SPNS2: variants seen among roughly 807,000 people sequenced by gnomAD.
SPNS2 encodes sphingosine-1-phosphate transporter SPNS2.
In SPNS2, 37 loss-of-function variants were observed where a neutral mutation model predicts 57.6. The observed-to-expected ratio is 0.64, with a 90% CI of 0.49 to 0.85. The LOEUF (loss-of-function observed/expected upper bound fraction) is 0.85. Ranked by LOEUF, SPNS2 falls within the 40% of genes least tolerant of loss-of-function variation. The probability of loss-of-function intolerance (pLI) is 0.00; values close to 1 mark genes in which losing one functional copy is unlikely to be tolerated. For synonymous variants in SPNS2, 440 were observed against 346.9 expected, an observed-to-expected ratio of 1.27 and a Z score of -2.98; for missense variants, 831 against 779.1, an observed-to-expected ratio of 1.07 and a Z score of -0.79.
Position 4,532,695 on chromosome 17 carries a change from C to T in SPNS2, c.935+11C>T, listed in dbSNP as rs747998009. Reference sequence around the variant, plus strand: ...GGCCCTGATTCGAAAGTGAGTACCGCGGGAAGGGGTCTGGTGGGAAGAGAG... The same window carrying T: ...GGCCCTGATTCGAAAGTGAGTACCGTGGGAAGGGGTCTGGTGGGAAGAGAG... On this transcript the variant is annotated intron_variant, in intron 6 of 12. Transcript: ENST00000329078. 1.9e-5 allele frequency: 30 copies of T among 1,612,726 alleles called. No homozygotes were observed. In the East Asian group the frequency reaches 2.7e-4, roughly 14 times the overall value.
chr17:4,502,703 G>A (rs994739419), intron 1 of SPNS2, among the ~76,000 whole-genome samples: 3 of 152,182 alleles, frequency 2.0e-5, no homozygotes, highest in East Asian at 1.9e-4. Flanking sequence ...CACCTGGGAC[G>A]GGGCCAGATT....
At position 4,533,231 on chromosome 17, in the gene SPNS2, C is replaced by T. The variant is rs1269582480; in HGVS notation, c.1089-12C>T. 4 of 1,590,928 alleles carry T rather than the reference C, an allele frequency of 2.5e-6. No homozygotes were observed. In the African/African-American group the frequency reaches 5.4e-5, roughly 21 times the overall value. On this transcript the variant is annotated splice_polypyrimidine_tract_variant and intron_variant, in intron 7 of 12. Coordinates refer to ENST00000329078, the MANE Select transcript of SPNS2 (RefSeq NM_001124758.3). ...GCCTCAACTCGTGCGCCACCATCCT[C>T]TGTCCCCACAGCCTCATCTTTGGGG...
Position 4,511,601 on chromosome 17 carries a change from C to T in SPNS2, c.371-1646C>T, listed in dbSNP as rs569587225. 1.3e-5 allele frequency among the ~76,000 whole-genome samples: 2 copies of T among 152,328 alleles called. No homozygotes were observed. The highest frequency in any genetic ancestry group is 6.5e-5 in the Admixed American group (1 of 15,298). On this transcript the variant is annotated intron_variant, in intron 1 of 12. Coordinates refer to ENST00000329078, the MANE Select transcript of SPNS2 (RefSeq NM_001124758.3). The surrounding 1 kb of genome is among the most constrained non-coding windows in gnomAD (Gnocchi z 4.6). ...GCACCTCAGAGGTCCCTCTTGCTGG[C>T]TCTGCCATCCACAGGCCTAGGATTG...
rs1904853636 is a variant in SPNS2 at position 4,512,445 on chromosome 17, G to C, written c.371-802G>C. Among the ~76,000 whole-genome samples, 1 of 152,120 alleles carries C rather than the reference G, an allele frequency of 6.6e-6. No individual in the cohort carries two copies. The highest frequency in any genetic ancestry group is 2.1e-4 in the South Asian group (1 of 4,830). ...CTGTGGGTGGTTTCTGGGTGGTCCA[G>C]CTGCTGCCCCCACCCCGTGACGTGC... On this transcript the variant is annotated intron_variant, in intron 1 of 12. Coordinates refer to ENST00000329078, the MANE Select transcript of SPNS2 (RefSeq NM_001124758.3). The surrounding 1 kb of genome is among the most constrained non-coding windows in gnomAD (Gnocchi z 5.2).
Position 4,539,023 on chromosome 17 carries a change from C to A in SPNS2, c.*1575C>A, listed in dbSNP as rs150615002. 1.5e-5 allele frequency: 13 copies of A among 841,764 alleles called. No homozygotes were observed. Among genetic ancestry groups the A allele is most frequent in the Middle Eastern group, 2.2e-4 (1 of 4,558 alleles). 52.1% of individuals were successfully genotyped at this position (841,764 alleles called of 1,614,324 possible). A position where few individuals can be genotyped will look rare whatever the true frequency, so the allele number is the denominator to read the frequency against. On this transcript the variant is annotated 3_prime_UTR_variant, in exon 13 of 13. Coordinates refer to ENST00000329078, the MANE Select transcript of SPNS2 (RefSeq NM_001124758.3). ...TTCCTCTTGTAAATGAAGAAATAAA[C>A]CTATTTAAATCACCCCCTGGTGGCT...
chr17:4,536,881 C>A lies in SPNS2; in HGVS notation c.1608-19C>A, dbSNP rs1905856602. 1 of 1,612,472 alleles carries A rather than the reference C, an allele frequency of 6.2e-7. No homozygotes were observed. Among genetic ancestry groups the A allele is most frequent in the African/African-American group, 1.3e-5 (1 of 74,880 alleles). On this transcript the variant is annotated intron_variant, in intron 11 of 12. Coordinates refer to ENST00000329078, the MANE Select transcript of SPNS2 (RefSeq NM_001124758.3). ...CCCCGCTGATGCACCACCCTGACCCCCGCCCGTCTCTCCCCCAGGGTGAAC... is the reference window on the plus strand; with the variant it reads ...CCCCGCTGATGCACCACCCTGACCCACGCCCGTCTCTCCCCCAGGGTGAAC...
At chr17:4,519,558 C>T (rs992375626) in intron 2 of SPNS2, among the ~76,000 whole-genome samples, 5 of 103,012 alleles carry the variant, frequency 4.9e-5, no homozygotes, top group African/African-American at 1.8e-4. Flanking sequence ...CCCGCTCGGC[C>T]CTGGCTCCCT....
At chr17:4,530,990 G>C in intron 4 of SPNS2, 63 bp from the exon 5 acceptor site, 1 of 1,584,204 alleles carries the variant, frequency 6.3e-7, no homozygotes, top group African/African-American at 1.3e-5. Flanking sequence ...TTGCAGACCA[G>C]CGGGCACTCC....
Position 4,536,439 on chromosome 17 carries a change from G to GGT in SPNS2, c.1607+13_1607+14insGT, listed in dbSNP as rs1555538180. ...GGGCTGAGCAGCAGTGAGTGGGGGG[G>GGT]AGGGGAGGCCCTGCTGCACCGCCGG... On this transcript the variant is annotated intron_variant, in intron 11 of 12. Coordinates refer to ENST00000329078, the MANE Select transcript of SPNS2 (RefSeq NM_001124758.3). 6.3e-5 allele frequency: 100 copies of GGT among 1,582,928 alleles called. No homozygotes were observed. The highest frequency in any genetic ancestry group is 7.7e-5 in the South Asian group (7 of 90,686).
Position 4,533,121 on chromosome 17 carries a change from C to T in SPNS2, c.1080C>T (p.Ala360=), listed in dbSNP as rs747865152. The T allele has an allele frequency of 1.2e-6, 2 of 1,610,006 alleles. No individual in the cohort carries two copies. The highest frequency in any genetic ancestry group is 1.7e-6 in the Non-Finnish European group (2 of 1,178,162). Reference sequence around the variant, plus strand: ...CGTGCAACAGCCCGCCCTGTGGGGCCAAGGACAGGTGGGGCCCCGCGGGGT... The same window carrying T: ...CGTGCAACAGCCCGCCCTGTGGGGCTAAGGACAGGTGGGGCCCCGCGGGGT... ...AETCNSPPCG[A]KDSLIFGAIT... Residue 360 remains alanine, a synonymous_variant, in exon 7 of 13, where the codon GCC becomes GCT. Coordinates refer to ENST00000329078, the MANE Select transcript of SPNS2 (RefSeq NM_001124758.3).
chr17:4,520,746 G>A (rs1360775846), intron 2 of SPNS2, among the ~76,000 whole-genome samples: 1 of 152,076 alleles, frequency 6.6e-6, no homozygotes, highest in Non-Finnish European at 1.5e-5. Context: ...AAGGACTCTG[G>A]AGTCTGCCAA....
chr17:4,530,491 G>A (rs569568401), intron 3 of SPNS2, 141 bp from the exon 4 acceptor site: 93 of 972,536 alleles, frequency 9.6e-5, no homozygotes, highest in Non-Finnish European at 1.3e-4. Context: ...TGGTCTTTAC[G>A]GAGGTGCAGC....
chr17:4,532,789 C>T (rs1567595483), intron 6 of SPNS2, 105 bp downstream of exon 6: 2 of 1,464,622 alleles, frequency 1.4e-6, no homozygotes, highest in Non-Finnish European at 9.2e-7. Context: ...AGACACCCCA[C>T]CTCTGCTGTC....
intron 1 of SPNS2, among the ~76,000 whole-genome samples, chr17:4,509,060 A>G (rs1372334485): frequency 6.6e-6 from 1 of 152,174 alleles, no homozygotes; most frequent in Non-Finnish European, 1.5e-5. Flanking sequence ...GGGCCCATTC[A>G]TGAGGTGGAG....
chr17:4,537,482 T>A lies in SPNS2; in HGVS notation c.*34T>A. Reference sequence around the variant, plus strand: ...CATTGGGACAATGAAGAACCCACACTCCCACCTCGTCTGGGAGGTGTCCTA... The same window carrying A: ...CATTGGGACAATGAAGAACCCACACACCCACCTCGTCTGGGAGGTGTCCTA... On this transcript the variant is annotated 3_prime_UTR_variant, in exon 13 of 13. Coordinates refer to ENST00000329078, the MANE Select transcript of SPNS2 (RefSeq NM_001124758.3). 2.2e-6 allele frequency: 1 copy of A among 456,436 alleles called. No homozygotes were observed. Among genetic ancestry groups the A allele is most frequent in the Non-Finnish European group, 4.4e-6 (1 of 226,734 alleles). 28.3% of individuals were successfully genotyped at this position (456,436 alleles called of 1,614,324 possible). A position where few individuals can be genotyped will look rare whatever the true frequency, so the allele number is the denominator to read the frequency against.
At chr17:4,529,562 C>T (rs1293519811) in intron 3 of SPNS2, among the ~76,000 whole-genome samples, 2 of 152,090 alleles carry the variant, frequency 1.3e-5, no homozygotes, top group African/African-American at 4.8e-5. Context: ...ATCCCACCTC[C>T]TCAGGAGGCT....
intron 1 of SPNS2, among the ~76,000 whole-genome samples, chr17:4,505,945 G>C (rs1904665295): frequency 6.6e-6 from 1 of 152,232 alleles, no homozygotes; most frequent in South Asian, 2.1e-4. Flanking sequence ...GGGCTTCCAA[G>C]AGGCAAAGAG....
rs774539167 is a variant in SPNS2, at chr17:4,538,962, G to C, written c.*1514G>C. ...CCTTTATTTTTTAGAGCTGCTGATTGTGAATCTCAGAGTCTTAAGAGAGAA... is the reference window on the plus strand; with the variant it reads ...CCTTTATTTTTTAGAGCTGCTGATTCTGAATCTCAGAGTCTTAAGAGAGAA... On this transcript the variant is annotated 3_prime_UTR_variant, in exon 13 of 13. Transcript: ENST00000329078. 3 of 787,674 alleles carry C rather than the reference G, an allele frequency of 3.8e-6. No homozygotes were observed. The East Asian group carries it at 7.3e-5, about 19-fold the overall frequency. The allele number at this position is 787,674 out of a possible 1,614,324, so 48.8% of individuals were successfully genotyped here. A position where few individuals can be genotyped will look rare whatever the true frequency, so the allele number is the denominator to read the frequency against.
chr17:4,501,454 G>A (rs1904508492), intron 1 of SPNS2, among the ~76,000 whole-genome samples: 1 of 152,146 alleles, frequency 6.6e-6, no homozygotes, highest in African/African-American at 2.4e-5. Context: ...GTGGGGAGTG[G>A]TGGCTAAGAG....
Sources: gnomAD v4.1 joint callset for allele counts (sites outside exome capture counted in the v4.1 genomes callset) on GRCh38, gnomAD v4.1.1 for gene constraint, Gnocchi (gnomAD v3.1) non-coding constraint, MANE v1.5 for transcripts, NCBI Gene and HGNC (gene_info 2026-07-23, HGNC 2026-07-21) for gene names.